The following HSPA12B variants were observed in gnomAD, a reference collection of about 807,000 sequenced individuals.
The protein encoded by HSPA12B is heat shock protein family A (Hsp70) member 12B.
In HSPA12B, 54 loss-of-function variants were observed where a neutral mutation model predicts 69.3. The observed-to-expected ratio is 0.78, with a 90% confidence interval of 0.63 to 0.98. The LOEUF (loss-of-function observed/expected upper bound fraction) is 0.98. Ranked by LOEUF, HSPA12B falls within the 50% of genes least tolerant of loss-of-function variation. The pLI is 0.00. For synonymous variants in HSPA12B, 441 were observed against 436.5 expected, an observed-to-expected ratio of 1.01 and a Z score of -0.13; for missense variants, 929 against 999.8, an observed-to-expected ratio of 0.93 and a Z score of 0.96.
In HSPA12B at chr20:3,752,076, GCA is replaced by G. The variant is rs777206439; in HGVS notation, c.1972_1973del (p.Gln658ValfsTer7). ...PGRREIRAAMQFGDTEIKVTA... is the reference protein window; with the variant it reads ...PGRREIRAAMXFGDTEIKVTA... ...GCCGCCGCGAGATCCGCGCCGCCAT[GCA>G]GTTTGGCGACACCGAAATTAAGGTC... On this transcript the variant is annotated frameshift_variant, in exon 13 of 13. Transcript: ENST00000254963. LOFTEE classifies it high-confidence loss of function. 6.5e-7 allele frequency: 1 copy of G among 1,532,570 alleles called. No homozygotes were observed. Among genetic ancestry groups the G allele is most frequent in the South Asian group, 1.2e-5 (1 of 83,144 alleles). 94.9% of individuals were successfully genotyped at this position (1,532,570 alleles called of 1,614,324 possible). A position where few individuals can be genotyped will look rare whatever the true frequency, so the allele number is the denominator to read the frequency against.
At chr20:3,743,752 A>G (rs926975242) in intron 4 of HSPA12B, among the ~76,000 whole-genome samples, 1 of 139,614 alleles carries the variant, frequency 7.2e-6, no homozygotes, top group Non-Finnish European at 1.5e-5. Flanking sequence ...ATTTTTCACT[A>G]TTACAAAAAG....
At chr20:3,739,561 C>T (rs187775927) in intron 2 of HSPA12B, among the ~76,000 whole-genome samples, 190 of 152,330 alleles carry the variant, frequency 1.2e-3, no homozygotes, top group Non-Finnish European at 2.1e-3. Flanking sequence ...CTTGGCCTCT[C>T]GGGCTGCAGC....
At position 3,745,489 on chromosome 20, in the gene HSPA12B, C is replaced by A. The variant is rs767812238; in HGVS notation, c.454-4C>A. 1.9e-5 allele frequency: 30 copies of A among 1,612,278 alleles called. No homozygotes were observed. In the South Asian group the frequency reaches 3.3e-4, roughly 18 times the overall value. On this transcript the variant is annotated splice_region_variant and splice_polypyrimidine_tract_variant and intron_variant, in intron 5 of 12. Coordinates refer to ENST00000254963, the MANE Select transcript of HSPA12B (RefSeq NM_052970.5). The surrounding 1 kb of genome is among the most constrained non-coding windows in gnomAD (Gnocchi z 5.6). ...CCTGCAGAGCCGCCCTGTGTCCCTG[C>A]CAGGATCTCACCTTGAAGACCCAGC...
rs754387190 is a variant in HSPA12B, at chr20:3,749,904, C to A, written c.1042+50C>A. ...TACCCAGCGCGACCCGGGCTCCGGC[C>A]CCGCCACTGCCCCCTGGCGGCCCGG... On this transcript the variant is annotated intron_variant, in intron 10 of 12. Coordinates refer to ENST00000254963, the MANE Select transcript of HSPA12B (RefSeq NM_052970.5). The surrounding 1 kb of genome is among the most constrained non-coding windows in gnomAD (Gnocchi z 5.5). The A allele has an allele frequency of 6.5e-7, 1 of 1,545,286 alleles. No individual in the cohort carries two copies. The highest frequency in any genetic ancestry group is 8.7e-7 in the Non-Finnish European group (1 of 1,143,782).
chr20:3,750,802 A>G lies in HSPA12B; in HGVS notation c.1302-2A>G. 1.2e-6 allele frequency: 2 copies of G among 1,613,792 alleles called. No homozygotes were observed. Among genetic ancestry groups the G allele is most frequent in the Non-Finnish European group, 1.7e-6 (2 of 1,179,976 alleles). ...GATATTTGCCCCTTTCACCACCAAC[A>G]GCGTGAACTTCGTGAAGTGGTCCTC... is the stretch of plus-strand genomic sequence containing the variant. On this transcript the variant is annotated splice_acceptor_variant, in intron 11 of 12. Coordinates refer to ENST00000254963, the MANE Select transcript of HSPA12B (RefSeq NM_052970.5). LOFTEE classifies it high-confidence loss of function.
chr20:3,740,159 T>C lies in HSPA12B; in HGVS notation c.44-656T>C, dbSNP rs73080460. Among the ~76,000 whole-genome samples the C allele has an allele frequency of 1.3e-5, 2 of 151,426 alleles. No homozygotes were observed. Among genetic ancestry groups the C allele is most frequent in the Non-Finnish European group, 2.9e-5 (2 of 67,948 alleles). The stretch of plus-strand genomic sequence containing the variant: ...CTCAGGGTGTGTGTATGTGTGTGTG[T>C]GGGGGGTGGGAATCAGACTTCCTAA... On this transcript the variant is annotated intron_variant, in intron 2 of 12. Coordinates refer to ENST00000254963, the MANE Select transcript of HSPA12B (RefSeq NM_052970.5). The surrounding 1 kb of genome is among the most constrained non-coding windows in gnomAD (Gnocchi z 4.9).
At chr20:3,741,407 A>G (rs894502519) in intron 3 of HSPA12B, among the ~76,000 whole-genome samples, 1 of 152,074 alleles carries the variant, frequency 6.6e-6, no homozygotes, top group African/African-American at 2.4e-5. Flanking sequence ...CGAGGTGGGC[A>G]GATTGCTTTG....
intron 11 of HSPA12B, chr20:3,750,595 G>A (rs1258951142): frequency 4.4e-6 from 4 of 910,108 alleles, no homozygotes; most frequent in Non-Finnish European, 5.3e-6. Context: ...CTGGAACCTG[G>A]AGCAGGCTGG....
At position 3,750,918 on chromosome 20, in the gene HSPA12B, G is replaced by C. The variant is rs1191537987; in HGVS notation, c.1405+11G>C. 1.9e-6 allele frequency: 3 copies of C among 1,612,544 alleles called. No individual in the cohort carries two copies. In the Admixed American group the frequency reaches 5.0e-5, roughly 27 times the overall value. Reference sequence around the variant, plus strand: ...TCATCCAGCACATAGGTGAGCACCTGAGCTTGGTCCCCCACCCGCCCCTAC... The same window carrying C: ...TCATCCAGCACATAGGTGAGCACCTCAGCTTGGTCCCCCACCCGCCCCTAC... On this transcript the variant is annotated intron_variant, in intron 12 of 12. Transcript: ENST00000254963.
intron 7 of HSPA12B, among the ~76,000 whole-genome samples, chr20:3,747,977 C>T (rs1280685856): frequency 6.6e-6 from 1 of 152,258 alleles, no homozygotes; most frequent in Non-Finnish European, 1.5e-5. Context: ...GAGTCTTTTC[C>T]TGCTGGGCAA....
intron 1 of HSPA12B, among the ~76,000 whole-genome samples, chr20:3,734,723 CCTT>C (rs1428035657): frequency 6.7e-6 from 1 of 148,232 alleles, no homozygotes; most frequent in Non-Finnish European, 1.5e-5. Flanking sequence ...GTGGGATCCT[CCTT>C]CTTTAACACA....
At chr20:3,735,029 C>T (rs1356991158) in intron 1 of HSPA12B, among the ~76,000 whole-genome samples, 1 of 152,136 alleles carries the variant, frequency 6.6e-6, no homozygotes, top group Non-Finnish European at 1.5e-5. Flanking sequence ...TGAGCCACCA[C>T]ACCCAGCCCT....
At position 3,752,106 on chromosome 20, in the gene HSPA12B, C is replaced by T. The variant is rs1156745689; in HGVS notation, c.2001C>T (p.Thr667=). The stretch of plus-strand genomic sequence containing the variant: ...TTGGCGACACCGAAATTAAGGTCAC[C>T]GCCGTCGACGTCAGCACCAATCGCT... ...MQFGDTEIKV[T]AVDVSTNRSV... The change falls in exon 13 of 13, where the codon ACC becomes ACT. Residue 667 remains threonine (T), a synonymous_variant. Coordinates refer to ENST00000254963, the MANE Select transcript of HSPA12B (RefSeq NM_052970.5). 5 of 1,507,922 alleles carry T rather than the reference C, an allele frequency of 3.3e-6. No individual in the cohort carries two copies. Among genetic ancestry groups the T allele is most frequent in the Admixed American group, 2.2e-5 (1 of 46,432 alleles). 93.4% of individuals were successfully genotyped at this position (1,507,922 alleles called of 1,614,324 possible). A position where few individuals can be genotyped will look rare whatever the true frequency, so the allele number is the denominator to read the frequency against.
At position 3,740,717 on chromosome 20, in the gene HSPA12B, G is replaced by A. The variant is rs1231741194; in HGVS notation, c.44-98G>A. The A allele has an allele frequency of 4.3e-6, 4 of 922,980 alleles. No homozygotes were observed. The highest frequency in any genetic ancestry group is 2.0e-5 in the Admixed American group (1 of 50,116). The allele number at this position is 922,980 out of a possible 1,614,324, so 57.2% of individuals were successfully genotyped here. A position where few individuals can be genotyped will look rare whatever the true frequency, so the allele number is the denominator to read the frequency against. ...GCAGAGAGCCCTTTGCCTTAGCCCA[G>A]CAAGGACTGATGGAGAACCTTTGGG... On this transcript the variant is annotated intron_variant, in intron 2 of 12. Coordinates refer to ENST00000254963, the MANE Select transcript of HSPA12B (RefSeq NM_052970.5). This position sits in a 1 kb window ranked among gnomAD's most constrained non-coding sequence, Gnocchi z 4.9.
rs771583401 is a variant in HSPA12B, at chr20:3,742,413, G to A, written c.266+5G>A. On this transcript the variant is annotated splice_donor_5th_base_variant and intron_variant, in intron 4 of 12. Transcript: ENST00000254963. ...TGAGGCCATCCACATGATGAGGTGA[G>A]GTCGGCTGGGCTGAGAGAGTGAGGT... The A allele has an allele frequency of 3.1e-6, 5 of 1,606,310 alleles. No individual in the cohort carries two copies. The highest frequency in any genetic ancestry group is 3.4e-6 in the Non-Finnish European group (4 of 1,173,580).
At chr20:3,748,150 C>G (rs1343598882) in intron 7 of HSPA12B, 67 bp from the exon 8 acceptor site, 5 of 1,377,986 alleles carry the variant, frequency 3.6e-6, no homozygotes, top group Non-Finnish European at 4.8e-6. Flanking sequence ...GGTTCCCCAC[C>G]TCACAGTGCC....
Position 3,749,317 on chromosome 20 carries a change from A to G in HSPA12B, c.936A>G (p.Ala312=), listed in dbSNP as rs143073920. Residue 312 remains alanine (A), a splice_region_variant and synonymous_variant, in exon 9 of 13, where the codon GCA becomes GCG. Transcript: ENST00000254963. This position sits in a 1 kb window ranked among gnomAD's most constrained non-coding sequence, Gnocchi z 5.5. ...GVGELWAEMQ[A]GDRYVVADCG... ...GAGAGCTGTGGGCAGAGATGCAAGC[A>G]GGTAGGGGGAAAGGGGGACGGAGTG... 1.7e-4 allele frequency: 280 copies of G among 1,612,810 alleles called. 3 individuals carry two copies. Among genetic ancestry groups the G allele is most frequent in the Admixed American group, 4.0e-4 (24 of 59,736 alleles).
At chr20:3,741,003 AAGG>A in intron 3 of HSPA12B, 91 bp downstream of exon 3, 2 of 1,018,834 alleles carry the variant, frequency 2.0e-6, no homozygotes, top group Non-Finnish European at 2.9e-6. Flanking sequence ...CTCAGCTAGG[AAGG>A]AGGAGGGGAT....
Position 3,752,146 on chromosome 20 carries a change from A to G in HSPA12B, c.2041A>G (p.Ile681Val), listed in dbSNP as rs1028006050. The G allele has an allele frequency of 4.1e-6, 6 of 1,459,176 alleles. No individual in the cohort carries two copies. Among genetic ancestry groups the G allele is most frequent in the South Asian group, 1.4e-5 (1 of 70,720 alleles). The allele number at this position is 1,459,176 out of a possible 1,614,324, so 90.4% of individuals were successfully genotyped here. A position where few individuals can be genotyped will look rare whatever the true frequency, so the allele number is the denominator to read the frequency against. Reference sequence around the variant, plus strand: ...CACCAATCGCTCCGTGCGCGCGTCCATCGACTTTCTTTCCAACTGAGGGCG... The same window carrying G: ...CACCAATCGCTCCGTGCGCGCGTCCGTCGACTTTCTTTCCAACTGAGGGCG... ...VSTNRSVRAS[I>V]DFLSN is the part of the protein sequence containing the mutation. Residue 681 changes from isoleucine (I) to valine (V), a missense_variant, in exon 13 of 13, where the codon ATC becomes GTC. By Grantham distance (29) the Ile-to-Val change is conservative. This residue lies in a region of HSPA12B where 448 missense variants were observed against 448.1 expected (regional missense o/e 1.00). Transcript: ENST00000254963.
Sources: allele counts gnomAD v4.1 joint callset (sites outside exome capture counted in the v4.1 genomes callset), GRCh38; gene constraint gnomAD v4.1.1; regional missense constraint gnomAD v4.1.1; non-coding constraint Gnocchi (gnomAD v3.1); transcripts MANE v1.5; gene names NCBI Gene and HGNC (gene_info 2026-07-23, HGNC 2026-07-21).